Variants in AFG2A observed in about 807,000 individuals in gnomAD.
AFG2A encodes ATPase family gene 2 protein homolog A.
the AFG2A span, among the ~76,000 whole-genome samples, chr4:122,980,051 G>T: frequency 6.6e-6 from 1 of 152,110 alleles, no homozygotes; most frequent in African/African-American, 2.4e-5. Context: ...TCATGAAAAG[G>T]TTTGCATATT....
the AFG2A span, among the ~76,000 whole-genome samples, chr4:122,923,887 A>G: frequency 2.0e-5 from 3 of 152,226 alleles, no homozygotes; most frequent in Admixed American, 6.5e-5. Flanking sequence ...CAGGCTACAC[A>G]GGTGCTAAGT....
chr4:123,229,519 G>A, the AFG2A span, among the ~76,000 whole-genome samples: 1 of 151,958 alleles, frequency 6.6e-6, no homozygotes, highest in Non-Finnish European at 1.5e-5. Context: ...AGTCTTTGAG[G>A]AATGTGGCAA....
the AFG2A span, among the ~76,000 whole-genome samples, chr4:123,105,616 G>C: frequency 6.6e-6 from 1 of 152,016 alleles, no homozygotes; most frequent in Non-Finnish European, 1.5e-5. Context: ...GTGAAAATAC[G>C]TCAACTTTAA....
At chr4:123,257,776 C>A in the AFG2A span, among the ~76,000 whole-genome samples, 1 of 152,186 alleles carries the variant, frequency 6.6e-6, no homozygotes, top group Non-Finnish European at 1.5e-5. Flanking sequence ...CCATAAATCT[C>A]TCACTTGAGC....
chr4:123,182,225 A>T, the AFG2A span, among the ~76,000 whole-genome samples: 1 of 152,184 alleles, frequency 6.6e-6, no homozygotes, highest in East Asian at 1.9e-4. Flanking sequence ...TCATAACTGA[A>T]TTTCCCCTTA....
the AFG2A span, among the ~76,000 whole-genome samples, chr4:123,203,586 C>G: frequency 6.6e-6 from 1 of 152,162 alleles, no homozygotes; most frequent in Non-Finnish European, 1.5e-5. Context: ...CCAGTTGTAC[C>G]TTTTTTATTC....
chr4:122,972,570 C>T, the AFG2A span, among the ~76,000 whole-genome samples: 62 of 150,996 alleles, frequency 4.1e-4, no homozygotes, highest in Middle Eastern at 0.01. Context: ...ATTAAGCCTA[C>T]CAGTGTCCCC....
the AFG2A span, among the ~76,000 whole-genome samples, chr4:123,010,257 C>G: frequency 6.6e-6 from 1 of 152,174 alleles, no homozygotes; most frequent in South Asian, 2.1e-4. Context: ...CCTACTCATT[C>G]TTCATATTGT....
chr4:123,231,590 C>G, the AFG2A span, among the ~76,000 whole-genome samples: 1 of 151,934 alleles, frequency 6.6e-6, no homozygotes, highest in Non-Finnish European at 1.5e-5. Flanking sequence ...GCACAATTCC[C>G]TTCAAGAGTT....
the AFG2A span, chr4:122,938,119 T>C: frequency 3.1e-6 from 5 of 1,588,882 alleles, no homozygotes; most frequent in Non-Finnish European, 4.3e-6. Flanking sequence ...TACTTGTTTG[T>C]TTTTAGACAC....
chr4:123,114,927 C>T, the AFG2A span, among the ~76,000 whole-genome samples: 5 of 152,220 alleles, frequency 3.3e-5, no homozygotes, highest in African/African-American at 1.2e-4. Context: ...TGTGGGCTTT[C>T]AAGACATGGT....
chr4:122,975,090 A>G, the AFG2A span, among the ~76,000 whole-genome samples: 2 of 152,210 alleles, frequency 1.3e-5, no homozygotes, highest in Non-Finnish European at 2.9e-5. Flanking sequence ...TTCTGCTGCT[A>G]TAACAAAATA....
chr4:123,275,327 G>A, the AFG2A span, among the ~76,000 whole-genome samples: 7 of 152,146 alleles, frequency 4.6e-5, no homozygotes, highest in South Asian at 2.1e-4. Context: ...TCTTCTGCTC[G>A]TGTTTGGTTT....
At chr4:123,271,944 G>A in the AFG2A span, among the ~76,000 whole-genome samples, 4 of 151,462 alleles carry the variant, frequency 2.6e-5, no homozygotes, top group African/African-American at 9.7e-5. Flanking sequence ...ATTTACTTAC[G>A]CTGGTTTTGA....
chr4:123,102,577 A>G, the AFG2A span, among the ~76,000 whole-genome samples: 1 of 152,060 alleles, frequency 6.6e-6, no homozygotes, highest in Non-Finnish European at 1.5e-5. Context: ...CTGTATGATT[A>G]AAGTTGAATC....
the AFG2A span, among the ~76,000 whole-genome samples, chr4:123,255,715 CTATT>C: frequency 0.044 from 4,557 of 103,742 alleles, 358 homozygotes; most frequent in African/African-American, 0.15. Flanking sequence ...TACTGCTTTT[CTATT>C]TTTTTTTTTT....
At chr4:123,109,767 C>G in the AFG2A span, among the ~76,000 whole-genome samples, 11 of 152,074 alleles carry the variant, frequency 7.2e-5, no homozygotes, top group African/African-American at 2.4e-4. Context: ...TGCTCTAATG[C>G]AAGGGAAGCA....
At chr4:123,318,676 A>G in the AFG2A span, 9 of 151,436 alleles carry the variant, frequency 5.9e-5, no homozygotes, top group Non-Finnish European at 1.2e-4. Context: ...AGTCCCAGCT[A>G]CTCGGTCGGG....
the AFG2A span, among the ~76,000 whole-genome samples, chr4:123,132,340 G>C: frequency 6.6e-6 from 1 of 152,018 alleles, no homozygotes; most frequent in Non-Finnish European, 1.5e-5. Flanking sequence ...TAGGAGTTCA[G>C]CTGTTTTTTA....
Sources: gnomAD v4.1 joint callset for allele counts (sites outside exome capture counted in the v4.1 genomes callset) on GRCh38, gnomAD v4.1.1 for gene constraint, MANE v1.5 for transcripts, NCBI Gene and HGNC (gene_info 2026-07-23, HGNC 2026-07-21) for gene names.